The following OR4K1 variants were observed in gnomAD, a reference collection of about 807,000 sequenced individuals.
The protein encoded by OR4K1 is olfactory receptor 4K1.
OR4K1 carries 16 observed loss-of-function variants against 14.4 expected under a neutral mutation model. The ratio of observed to expected loss-of-function variants is 1.11; its 90% CI spans 0.75 to 1.68. OR4K1 has a LOEUF of 1.68. Ranked by LOEUF, OR4K1 falls within the 40% of genes most tolerant of loss-of-function variation. The pLI is 0.00. For synonymous variants in OR4K1, 181 were observed against 133.1 expected, an observed-to-expected ratio of 1.36 and a Z score of -2.48; for missense variants, 548 against 376.9, an observed-to-expected ratio of 1.45 and a Z score of -3.76.
upstream of OR4K1, among the ~76,000 whole-genome samples, chr14:19,927,356 T>G (rs140520618): frequency 5.1e-4 from 77 of 152,346 alleles, no homozygotes; most frequent in African/African-American, 1.8e-3. Context: ...CACTTAGTTA[T>G]CAGATTTAGA....
At chr14:19,920,404 G>T in the OR4K1 span, among the ~76,000 whole-genome samples, 1 of 152,198 alleles carries the variant, frequency 6.6e-6, no homozygotes. Context: ...GCATTATTTA[G>T]ACATTTACAT....
At chr14:19,923,056 T>C in the OR4K1 span, among the ~76,000 whole-genome samples, 2 of 152,286 alleles carry the variant, frequency 1.3e-5, no homozygotes, top group East Asian at 3.8e-4. Flanking sequence ...CTTTTTATAC[T>C]TAAGAATTTC....
At chr14:19,920,301 G>A in the OR4K1 span, among the ~76,000 whole-genome samples, 1 of 152,200 alleles carries the variant, frequency 6.6e-6, no homozygotes, top group Non-Finnish European at 1.5e-5. Flanking sequence ...GTTGTCATGA[G>A]TCAGCTCCTG....
upstream of OR4K1, chr14:19,930,792 G>C (rs957889294): frequency 2.6e-5 from 4 of 152,226 alleles, no homozygotes; most frequent in Non-Finnish European, 5.9e-5. Context: ...ACTCCCACTG[G>C]AAAGTGACCT....
rs79739578 is a variant in OR4K1, at chr14:19,936,740, T to A, written c.*138T>A. 1,139 of 632,700 alleles carry A rather than the reference T, an allele frequency of 1.8e-3. 4 individuals carry two copies. In the African/African-American group the frequency reaches 0.018, roughly 10 times the overall value. The allele number at this position is 632,700 out of a possible 1,614,324, so 39.2% of individuals were successfully genotyped here. On this transcript the variant is annotated 3_prime_UTR_variant, in exon 2 of 2. Transcript: ENST00000641172. ...CTTTTTGTTTTAAGTGCAAGGGAAT[T>A]GCATCAAGTCAGTCTCTGGTTCTAT...
At chr14:19,922,980 CCTT>C in the OR4K1 span, among the ~76,000 whole-genome samples, 3 of 152,186 alleles carry the variant, frequency 2.0e-5, no homozygotes, top group South Asian at 6.2e-4. Context: ...TTTAAGAAAT[CCTT>C]CTCTCTGTCA....
At chr14:19,920,819 T>G in the OR4K1 span, 5 of 1,614,244 alleles carry the variant, frequency 3.1e-6, no homozygotes, top group East Asian at 1.1e-4. Flanking sequence ...TTGTTGACAT[T>G]TGTCAGGCTT....
chr14:19,923,325 T>C, the OR4K1 span, among the ~76,000 whole-genome samples: 5 of 152,368 alleles, frequency 3.3e-5, no homozygotes, highest in South Asian at 1.0e-3. Flanking sequence ...TTAAAATAAA[T>C]CTTGATGTCT....
Position 19,935,739 on chromosome 14 carries a change from CTT to C in OR4K1, c.76_77del (p.Phe26LeufsTer26). 1 of 1,613,768 alleles carries C rather than the reference CTT, an allele frequency of 6.2e-7. No homozygotes were observed. The highest frequency in any genetic ancestry group is 8.5e-7 in the Non-Finnish European group (1 of 1,179,820). On this transcript the variant is annotated frameshift_variant, in exon 2 of 2. Coordinates refer to ENST00000641172, the MANE Select transcript of OR4K1 (RefSeq NM_001004063.3). LOFTEE classifies it high-confidence loss of function. ...ACTCTCTAATTCCTGGGGACTTCAA[CTT>C]TTCTTTTTTGCCATCTTCTCTATAG... ...LGLSNSWGLQ[L>X]FFFAIFSIVY... is the part of the protein sequence containing the mutation.
At chr14:19,924,400 C>CAAAAAAAAAAAAAAAAAAAAAAAAAAAAA in the OR4K1 span, among the ~76,000 whole-genome samples, 8 of 79,252 alleles carry the variant, frequency 1.0e-4, no homozygotes, top group Non-Finnish European at 1.6e-4. Context: ...AACTCCGTAT[C>CAAAAAAAAAAAAAAAAAAAAAAAAAAAAA]AAAAAAAAAA....
At position 19,935,929 on chromosome 14, in the gene OR4K1, A is replaced by T; in HGVS notation, c.263A>T (p.Glu88Val). ...TPKMLVDFFI[E>V]RKTISFEGCM... The stretch of plus-strand genomic sequence containing the variant: ...AAGATGCTTGTAGACTTTTTTATTG[A>T]GCGCAAGACTATCTCCTTTGAGGGT... The change falls in exon 2 of 2, where the codon GAG (glutamate) becomes GTG (valine). Residue 88 changes from glutamate to valine, a missense_variant. Transcript: ENST00000641172. The T allele has an allele frequency of 6.2e-7, 1 of 1,614,138 alleles. No individual in the cohort carries two copies. The highest frequency in any genetic ancestry group is 8.5e-7 in the Non-Finnish European group (1 of 1,180,012).
At chr14:19,924,918 T>C in the OR4K1 span, among the ~76,000 whole-genome samples, 1 of 152,182 alleles carries the variant, frequency 6.6e-6, no homozygotes. Context: ...TGTGATATTA[T>C]GTACTGTAGA....
upstream of OR4K1, among the ~76,000 whole-genome samples, chr14:19,930,294 T>C (rs760784096): frequency 9.8e-5 from 15 of 152,334 alleles, no homozygotes; most frequent in Non-Finnish European, 2.1e-4. Context: ...TAGGGAATCT[T>C]ACCTTCAATT....
chr14:19,934,229 G>A (rs1023184821), intron 1 of OR4K1, among the ~76,000 whole-genome samples: 3 of 152,220 alleles, frequency 2.0e-5, no homozygotes, highest in Admixed American at 2.0e-4. Context: ...AACCACTTCA[G>A]GAAGGGTGTG....
the OR4K1 span, among the ~76,000 whole-genome samples, chr14:19,924,118 G>C: frequency 1.7e-4 from 26 of 152,180 alleles, no homozygotes; most frequent in Admixed American, 3.3e-4. Flanking sequence ...AAAAATGATA[G>C]GGCTGGGTGC....
chr14:19,921,201 A>C, the OR4K1 span: 2 of 1,614,166 alleles, frequency 1.2e-6, no homozygotes, highest in Non-Finnish European at 1.7e-6. Context: ...TGAAATACTA[A>C]TTGTGGTCAA....
At chr14:19,921,038 G>T in the OR4K1 span, 1 of 1,614,058 alleles carries the variant, frequency 6.2e-7, no homozygotes, top group African/African-American at 1.3e-5. Context: ...GCACTGTCTT[G>T]GTAATGATCT....
At chr14:19,922,078 C>A in the OR4K1 span, among the ~76,000 whole-genome samples, 10 of 150,596 alleles carry the variant, frequency 6.6e-5, no homozygotes, top group East Asian at 5.9e-4. Flanking sequence ...CTCCCCCCCC[C>A]AAAAATCAAT....
chr14:19,927,260 C>G (rs1441810233), upstream of OR4K1, among the ~76,000 whole-genome samples: 1 of 152,226 alleles, frequency 6.6e-6, no homozygotes, highest in Non-Finnish European at 1.5e-5. Context: ...AAAAATGGGA[C>G]TGCTGCTGCA....
Sources: gnomAD v4.1 joint callset for allele counts (sites outside exome capture counted in the v4.1 genomes callset) on GRCh38, gnomAD v4.1.1 for gene constraint, MANE v1.5 for transcripts, NCBI Gene and HGNC (gene_info 2026-07-23, HGNC 2026-07-21) for gene names.